PCDH15: variants seen among roughly 807,000 people sequenced by gnomAD.
The protein encoded by PCDH15 is protocadherin-15.
A neutral mutation model predicts 178.5 loss-of-function variants in PCDH15; 129 were observed. That is an observed-to-expected ratio of 0.72 (90% confidence interval 0.63 to 0.84). The LOEUF (loss-of-function observed/expected upper bound fraction) is 0.84. PCDH15 is among the 40% of genes least tolerant of loss of function. The pLI is 0.00. For missense variants in PCDH15, 2,230 were observed against 2,099.9 expected, an observed-to-expected ratio of 1.06 and a Z score of -1.21; for synonymous variants, 800 against 732.0, an observed-to-expected ratio of 1.09 and a Z score of -1.50.
intron 21 of PCDH15, among the ~76,000 whole-genome samples, chr10:53,965,071 T>C (rs2088854051): frequency 6.6e-6 from 1 of 151,754 alleles, no homozygotes; most frequent in Admixed American, 6.6e-5. Flanking sequence ...TTTTTTTTTT[T>C]TTTTGAGACA....
chr10:55,358,471 G>T (rs745687592), intron 2 of PCDH15, among the ~76,000 whole-genome samples: 1 of 151,822 alleles, frequency 6.6e-6, no homozygotes, highest in Non-Finnish European at 1.5e-5. Context: ...GTATCAGATG[G>T]TATTACACTC....
chr10:55,046,892 C>A (rs1026904705), intron 2 of PCDH15, among the ~76,000 whole-genome samples: 10 of 151,914 alleles, frequency 6.6e-5, no homozygotes, highest in Non-Finnish European at 1.2e-4. Context: ...TAGATCACAT[C>A]TCAATACATT....
At chr10:55,187,997 G>C (rs1839843181) in intron 1 of PCDH15, among the ~76,000 whole-genome samples, 1 of 151,954 alleles carries the variant, frequency 6.6e-6, no homozygotes, top group Non-Finnish European at 1.5e-5. Flanking sequence ...CAATGGTCCA[G>C]GCAGTAGGTG....
chr10:54,334,417 T>C (rs1940580097), intron 6 of PCDH15, among the ~76,000 whole-genome samples: 1 of 152,128 alleles, frequency 6.6e-6, no homozygotes, highest in African/African-American at 2.4e-5. Context: ...GAATCCCCTT[T>C]ACTAATATGG....
At chr10:54,855,158 C>A (rs1255366196) in intron 3 of PCDH15, among the ~76,000 whole-genome samples, 1 of 152,218 alleles carries the variant, frequency 6.6e-6, no homozygotes, top group East Asian at 1.9e-4. Flanking sequence ...AGAAGCCAGG[C>A]AGTGGTAGCA....
At chr10:54,659,258 A>G (rs1477171882) in intron 2 of PCDH15, among the ~76,000 whole-genome samples, 2 of 152,198 alleles carry the variant, frequency 1.3e-5, no homozygotes, top group Non-Finnish European at 2.9e-5. Flanking sequence ...CCAGACTTAA[A>G]TGGAACTCTT....
Position 55,178,831 on chromosome 10 carries a change from C to T in PCDH15, c.-155-12180G>A, listed in dbSNP as rs74136385. Among the ~76,000 whole-genome samples, 114 of 152,148 alleles carry T rather than the reference C, an allele frequency of 7.5e-4. 1 individual carries two copies. Among genetic ancestry groups the T allele is most frequent in the African/African-American group, 2.4e-3 (100 of 41,508 alleles). Reference sequence around the variant, plus strand: ...ACCATTAGGTGTCTTTGCCAAGGACCCCTAATCCTGAATGCCCATGGGATT... The same window carrying T: ...ACCATTAGGTGTCTTTGCCAAGGACTCCTAATCCTGAATGCCCATGGGATT... On this transcript the variant is annotated intron_variant, in intron 1 of 5. Transcript: ENST00000458638.
At chr10:54,763,106 G>A (rs1948090314) in intron 1 of PCDH15, among the ~76,000 whole-genome samples, 1 of 152,048 alleles carries the variant, frequency 6.6e-6, no homozygotes, top group Non-Finnish European at 1.5e-5. Flanking sequence ...TGGGTAATAG[G>A]GAGGCTCATT....
intron 26 of PCDH15, among the ~76,000 whole-genome samples, chr10:53,870,733 ACT>A (rs1168562675): frequency 1.3e-5 from 2 of 152,168 alleles, no homozygotes; most frequent in African/African-American, 2.4e-5. Context: ...CTAAGATGTG[ACT>A]CTGATTGATG....
intron 2 of PCDH15, among the ~76,000 whole-genome samples, chr10:55,530,579 G>A (rs1327098649): frequency 6.6e-6 from 1 of 151,824 alleles, no homozygotes; most frequent in Non-Finnish European, 1.5e-5. Context: ...TTGTTATAAT[G>A]TTTAACAAAT....
intron 2 of PCDH15, among the ~76,000 whole-genome samples, chr10:54,912,436 T>G (rs2131835838): frequency 6.6e-6 from 1 of 152,210 alleles, no homozygotes; most frequent in Non-Finnish European, 1.5e-5. Flanking sequence ...GGGTGGCAAC[T>G]TCCCCTGCTC....
chr10:55,320,408 A>G (rs1000276810), upstream of PCDH15, among the ~76,000 whole-genome samples: 3 of 145,008 alleles, frequency 2.1e-5, no homozygotes, highest in African/African-American at 7.7e-5. Flanking sequence ...CATAGAGGCC[A>G]GTACTGCTAT....
chr10:54,875,329 G>C (rs982021116), intron 3 of PCDH15, among the ~76,000 whole-genome samples: 12 of 152,248 alleles, frequency 7.9e-5, no homozygotes, highest in African/African-American at 2.9e-4. Context: ...GGGACTGGCT[G>C]TTCCTCCTTC....
At chr10:54,838,838 G>A (rs72798510) in intron 3 of PCDH15, among the ~76,000 whole-genome samples, 14 of 152,250 alleles carry the variant, frequency 9.2e-5, no homozygotes, top group South Asian at 2.1e-4. Flanking sequence ...AAGCAGTTCT[G>A]CCTGGCCAGA....
At chr10:53,894,318 A>G (rs2081798108) in intron 26 of PCDH15, among the ~76,000 whole-genome samples, 1 of 152,220 alleles carries the variant, frequency 6.6e-6, no homozygotes, top group African/African-American at 2.4e-5. Flanking sequence ...TGTTCAAAGT[A>G]CAAACCACAC....
intron 1 of PCDH15, among the ~76,000 whole-genome samples, chr10:54,759,979 G>C (rs145054880): frequency 9.2e-5 from 14 of 152,060 alleles, no homozygotes; most frequent in African/African-American, 3.4e-4. Flanking sequence ...CCATGTATAG[G>C]GCGAGTAAGA....
At chr10:54,612,040 T>C (rs2092979024) in intron 2 of PCDH15, among the ~76,000 whole-genome samples, 1 of 151,892 alleles carries the variant, frequency 6.6e-6, no homozygotes, top group Admixed American at 6.6e-5. Context: ...TTTCTTAAGG[T>C]ATATGTGTCT....
chr10:54,234,600 T>C (rs1399570220), intron 9 of PCDH15, among the ~76,000 whole-genome samples: 1 of 152,130 alleles, frequency 6.6e-6, no homozygotes, highest in Admixed American at 6.5e-5. Context: ...GGGGGCTAAA[T>C]AACTTAAATA....
chr10:55,062,858 T>C (rs1841470656), intron 2 of PCDH15, among the ~76,000 whole-genome samples: 1 of 152,152 alleles, frequency 6.6e-6, no homozygotes, highest in South Asian at 2.1e-4. Flanking sequence ...GGGAAATCTC[T>C]GTACCTTCCT....
Sources: gnomAD v4.1 joint callset for allele counts (sites outside exome capture counted in the v4.1 genomes callset) on GRCh38, gnomAD v4.1.1 for gene constraint, MANE v1.5 for transcripts, NCBI Gene and HGNC (gene_info 2026-07-23, HGNC 2026-07-21) for gene names.